CUL9: variants seen among roughly 807,000 people sequenced by gnomAD.
CUL9 encodes the protein cullin-9.
A neutral mutation model predicts 272.6 loss-of-function variants in CUL9; 79 were observed. That is an observed-to-expected ratio of 0.29 (90% CI 0.24 to 0.35). The LOEUF (loss-of-function observed/expected upper bound fraction) is 0.35. CUL9 is among the 10% of genes least tolerant of loss of function. The pLI, the probability that CUL9 is intolerant of heterozygous loss-of-function variation, is 1.00. For missense variants in CUL9, 2,532 were observed against 3,255.6 expected, an observed-to-expected ratio of 0.78 and a Z score of 5.41; for synonymous variants, 1,186 against 1,286.5, an observed-to-expected ratio of 0.92 and a Z score of 1.67.
At position 43,205,992 on chromosome 6, in the gene CUL9, C is replaced by T. The variant is rs948170764; in HGVS notation, c.4794-15C>T. ...CACCCACACTGAGGCTTGGCCCGGGCTGTGTGTGCTGCAGGCATTATATGG... is the reference window on the plus strand; with the variant it reads ...CACCCACACTGAGGCTTGGCCCGGGTTGTGTGTGCTGCAGGCATTATATGG... On this transcript the variant is annotated splice_polypyrimidine_tract_variant and intron_variant, in intron 24 of 40. Coordinates refer to ENST00000252050, the MANE Select transcript of CUL9 (RefSeq NM_015089.4). The T allele has an allele frequency of 7.1e-5, 115 of 1,610,330 alleles. No individual in the cohort carries two copies. The East Asian group carries it at 1.1e-3, about 16-fold the overall frequency.
At chr6:43,222,981 C>A in intron 38 of CUL9, 85 bp downstream of exon 38, 1 of 1,124,742 alleles carries the variant, frequency 8.9e-7, no homozygotes, top group East Asian at 2.4e-5. Context: ...GGTCAAGCGG[C>A]ACCCTTACCT....
At chr6:43,198,495 C>T in intron 11 of CUL9, 114 bp from the exon 12 acceptor site, 2 of 1,523,246 alleles carry the variant, frequency 1.3e-6, no homozygotes, top group Non-Finnish European at 8.8e-7. Context: ...CTATAGACAT[C>T]CTCAATATAG....
rs1269821368 is a variant in CUL9 at position 43,220,716 on chromosome 6, C to T, written c.6424-31C>T. ...AGGTGTGGCATCCTGGAGAGCCATA[C>T]CCTCACCTCGTGGCACCTGCGTCTC... On this transcript the variant is annotated intron_variant, in intron 32 of 40. Transcript: ENST00000252050. This position sits in a 1 kb window ranked among gnomAD's most constrained non-coding sequence, Gnocchi z 4.9. 2 of 1,608,154 alleles carry T rather than the reference C, an allele frequency of 1.2e-6. No individual in the cohort carries two copies. Among genetic ancestry groups the T allele is most frequent in the East Asian group, 2.2e-5 (1 of 44,832 alleles).
At chr6:43,192,166 A>G (rs1773585950) in intron 8 of CUL9, among the ~76,000 whole-genome samples, 1 of 146,934 alleles carries the variant, frequency 6.8e-6, no homozygotes, top group Admixed American at 6.9e-5. Context: ...GGCTCAGATG[A>G]TCCTCCCACC....
intron 8 of CUL9, among the ~76,000 whole-genome samples, chr6:43,192,394 G>A (rs1394399516): frequency 5.3e-5 from 8 of 151,152 alleles, no homozygotes; most frequent in Admixed American, 5.3e-4. Context: ...TCTGCCTGTT[G>A]TGGTGTTTTT....
chr6:43,205,753 C>G (rs755270121), intron 24 of CUL9, among the ~76,000 whole-genome samples: 1 of 150,648 alleles, frequency 6.6e-6, no homozygotes, highest in African/African-American at 2.4e-5. Flanking sequence ...CTCTTGAACC[C>G]GGGAGGCAGA....
At chr6:43,188,855 G>A (rs1039922393) in intron 8 of CUL9, 140 bp downstream of exon 8, 2 of 652,454 alleles carry the variant, frequency 3.1e-6, no homozygotes, top group African/African-American at 3.6e-5. Flanking sequence ...CCGAGCAGGA[G>A]GGTTGGATGT....
In CUL9 at chr6:43,184,967, A is replaced by G; in HGVS notation, c.595+62A>G. Reference sequence around the variant, plus strand: ...AAAATGGGGCCACAGGGAATAAGAAAGAGGAGAGATTTCCTAGCTCTGTAA... The same window carrying G: ...AAAATGGGGCCACAGGGAATAAGAAGGAGGAGAGATTTCCTAGCTCTGTAA... On this transcript the variant is annotated intron_variant, in intron 2 of 40. Transcript: ENST00000252050. The surrounding 1 kb of genome is among the most constrained non-coding windows in gnomAD (Gnocchi z 4.8). The G allele has an allele frequency of 7.8e-7, 1 of 1,285,058 alleles. No individual in the cohort carries two copies. Among genetic ancestry groups the G allele is most frequent in the African/African-American group, 1.5e-5 (1 of 67,170 alleles). The allele number at this position is 1,285,058 out of a possible 1,614,324, so 79.6% of individuals were successfully genotyped here.
intron 8 of CUL9, among the ~76,000 whole-genome samples, chr6:43,192,217 A>G (rs1347885553): frequency 6.6e-6 from 1 of 151,808 alleles, no homozygotes; most frequent in African/African-American, 2.4e-5. Flanking sequence ...ACAGGTCACT[A>G]TGCCAGATAA....
chr6:43,192,890 T>C (rs896104926), intron 8 of CUL9, 111 bp from the exon 9 acceptor site: 54 of 889,624 alleles, frequency 6.1e-5, no homozygotes, highest in Non-Finnish European at 8.4e-5. Flanking sequence ...GCAGAGAGGA[T>C]GGACTAGATC....
intron 16 of CUL9, among the ~76,000 whole-genome samples, chr6:43,201,104 T>G (rs1166332970): frequency 6.6e-6 from 1 of 152,220 alleles, no homozygotes; most frequent in Non-Finnish European, 1.5e-5. Flanking sequence ...TATCCATTTC[T>G]CCTTTGGGCA....
chr6:43,221,389 G>T lies in CUL9; in HGVS notation c.6752+68G>T. On this transcript the variant is annotated intron_variant, in intron 34 of 40. Coordinates refer to ENST00000252050, the MANE Select transcript of CUL9 (RefSeq NM_015089.4). This position sits in a 1 kb window ranked among gnomAD's most constrained non-coding sequence, Gnocchi z 4.2. ...GGGAGGAGGCCTGGCAGAAGGAGGGGGGAACGGGCTTAGTGTAAAGCTCAG... is the reference window on the plus strand; with the variant it reads ...GGGAGGAGGCCTGGCAGAAGGAGGGTGGAACGGGCTTAGTGTAAAGCTCAG... 8.3e-7 allele frequency: 1 copy of T among 1,211,286 alleles called. No homozygotes were observed. Among genetic ancestry groups the T allele is most frequent in the Non-Finnish European group, 1.2e-6 (1 of 857,868 alleles). The allele number at this position is 1,211,286 out of a possible 1,614,324, so 75.0% of individuals were successfully genotyped here. A position where few individuals can be genotyped will look rare whatever the true frequency, so the allele number is the denominator to read the frequency against.
chr6:43,220,659 G>A lies in CUL9; in HGVS notation c.6423+60G>A, dbSNP rs1776283858. ...GAGCCAAAGGAGTGTGCCCCAGGGAGTGGGCTGAGCTATGGGGTGCTGGGG... is the reference window on the plus strand; with the variant it reads ...GAGCCAAAGGAGTGTGCCCCAGGGAATGGGCTGAGCTATGGGGTGCTGGGG... On this transcript the variant is annotated intron_variant, in intron 32 of 40. Coordinates refer to ENST00000252050, the MANE Select transcript of CUL9 (RefSeq NM_015089.4). The surrounding 1 kb of genome is among the most constrained non-coding windows in gnomAD (Gnocchi z 4.9). 26 of 1,608,048 alleles carry A rather than the reference G, an allele frequency of 1.6e-5. No individual in the cohort carries two copies. In the Middle Eastern group the frequency reaches 8.3e-4, roughly 51 times the overall value.
At position 43,198,876 on chromosome 6, in the gene CUL9, C is replaced by T. The variant is rs767179396; in HGVS notation, c.3050+21C>T. ...CTGAGGTGAGGGGCCTGTTGAGGCA[C>T]CATGCATTGGGACGAGGGAAACTGG... On this transcript the variant is annotated intron_variant, in intron 12 of 40. Transcript: ENST00000252050. The T allele has an allele frequency of 8.7e-6, 14 of 1,606,172 alleles. No individual in the cohort carries two copies. In the East Asian group the frequency reaches 2.5e-4, roughly 28 times the overall value.
intron 4 of CUL9, among the ~76,000 whole-genome samples, chr6:43,186,660 G>C (rs1191861058): frequency 6.6e-6 from 1 of 152,216 alleles, no homozygotes; most frequent in Non-Finnish European, 1.5e-5. Context: ...GTAAGTTCAT[G>C]GGAGACTCAC....
intron 16 of CUL9, among the ~76,000 whole-genome samples, chr6:43,202,314 G>A (rs1371794068): frequency 6.6e-6 from 1 of 152,228 alleles, no homozygotes; most frequent in Non-Finnish European, 1.5e-5. Context: ...CAGCATGAAA[G>A]CTCAGGAGAG....
rs1012022570 is a variant in CUL9 at position 43,223,557 on chromosome 6, C to A, written c.7284+160C>A. ...GCGCACATCCCGGCTTTTGGGCCAACCTGCCTGATGCTGCTGGACCCTATC... is the reference window on the plus strand; with the variant it reads ...GCGCACATCCCGGCTTTTGGGCCAAACTGCCTGATGCTGCTGGACCCTATC... On this transcript the variant is annotated intron_variant, in intron 39 of 40. Transcript: ENST00000252050. The surrounding 1 kb of genome is among the most constrained non-coding windows in gnomAD (Gnocchi z 4.1). 2.2e-6 allele frequency: 2 copies of A among 923,490 alleles called. No individual in the cohort carries two copies. The highest frequency in any genetic ancestry group is 3.4e-5 in the African/African-American group (2 of 58,264). The allele number at this position is 923,490 out of a possible 1,614,324, so 57.2% of individuals were successfully genotyped here.
rs1773086815 is a variant in CUL9 at position 43,188,036 on chromosome 6, A to G, written c.1905A>G (p.Ala635=). 1 of 1,613,668 alleles carries G rather than the reference A, an allele frequency of 6.2e-7. No individual in the cohort carries two copies. Among genetic ancestry groups the G allele is most frequent in the South Asian group, 1.1e-5 (1 of 91,060 alleles). Residue 635 remains alanine, a synonymous_variant, in exon 7 of 41, where the codon GCA becomes GCG. Coordinates refer to ENST00000252050, the MANE Select transcript of CUL9 (RefSeq NM_015089.4). ...PTKTRTETPM[A]QSDSQLFNQL... is the part of the protein sequence containing the mutation. ...AGACAAGGACCGAGACCCCCATGGCACAGAGTGATTCTCAGCTGTTTAACC... is the reference window on the plus strand; with the variant it reads ...AGACAAGGACCGAGACCCCCATGGCGCAGAGTGATTCTCAGCTGTTTAACC...
chr6:43,222,301 A>T lies in CUL9; in HGVS notation c.6847-15A>T, dbSNP rs778102237. The T allele has an allele frequency of 1.9e-6, 3 of 1,612,856 alleles. No homozygotes were observed. The highest frequency in any genetic ancestry group is 2.5e-6 in the Non-Finnish European group (3 of 1,178,836). ...AACAAAACACCCAATAGCCCTCCCA[A>T]CGTATCCTTGCTAGGTAAGCAAGGC... On this transcript the variant is annotated splice_polypyrimidine_tract_variant and intron_variant, in intron 35 of 40. Coordinates refer to ENST00000252050, the MANE Select transcript of CUL9 (RefSeq NM_015089.4).
Sources: allele counts gnomAD v4.1 joint callset (sites outside exome capture counted in the v4.1 genomes callset), GRCh38; gene constraint gnomAD v4.1.1; non-coding constraint Gnocchi (gnomAD v3.1); transcripts MANE v1.5; gene names NCBI Gene and HGNC (gene_info 2026-07-23, HGNC 2026-07-21).